The following NCAM2 variants were observed in gnomAD, a reference collection of about 807,000 sequenced individuals.
NCAM2 encodes N-CAM-2.
NCAM2 carries 30 observed loss-of-function variants against 98.1 expected under a neutral mutation model. The ratio of observed to expected loss-of-function variants is 0.31; its 90% CI spans 0.23 to 0.41. The LOEUF is 0.41. Among genes scored for constraint, NCAM2 ranks in the 10% least tolerant of loss-of-function variants. The pLI is 1.00. For synonymous variants in NCAM2, 368 were observed against 342.4 expected (o/e 1.07, Z -0.83); for missense variants, 867 against 1,005.8 (o/e 0.86, Z 1.87).
chr21:21,427,125 A>C (rs2077230465), intron 11 of NCAM2, among the ~76,000 whole-genome samples: 1 of 152,204 alleles, frequency 6.6e-6, no homozygotes, highest in African/African-American at 2.4e-5. Flanking sequence ...AATTCTCAGA[A>C]ATAAAGATGT....
chr21:21,513,976 C>G lies in NCAM2; in HGVS notation c.2282+4921C>G, dbSNP rs184011737. On this transcript the variant is annotated intron_variant, in intron 16 of 17. Transcript: ENST00000400546. ...TTCATCTATTTTTACAGTCCTTATT[C>G]AAGCATTTTAGTCATTTTCTATTAG... Among the ~76,000 whole-genome samples the G allele has an allele frequency of 1.2e-3, 178 of 151,994 alleles. 4 individuals are homozygous for G. The East Asian group carries it at 0.03, about 25-fold the overall frequency.
chr21:21,384,568 A>G (rs1358616018), intron 9 of NCAM2, among the ~76,000 whole-genome samples: 1 of 151,954 alleles, frequency 6.6e-6, no homozygotes, highest in Non-Finnish European at 1.5e-5. Context: ...TACATATAAG[A>G]ATAAATTTTT....
chr21:21,411,011 A>T (rs1187849348), intron 10 of NCAM2, among the ~76,000 whole-genome samples: 2 of 75,014 alleles, frequency 2.7e-5, no homozygotes, highest in African/African-American at 1.0e-4. Context: ...GTCTTAAAAA[A>T]AAAAATATAT....
chr21:21,082,815 A>G (rs998641502), intron 1 of NCAM2, among the ~76,000 whole-genome samples: 4 of 152,052 alleles, frequency 2.6e-5, no homozygotes, highest in African/African-American at 9.7e-5. Flanking sequence ...CAAATTCACC[A>G]TCTCTCTTAG....
chr21:21,048,092 A>G (rs931241472), intron 1 of NCAM2, among the ~76,000 whole-genome samples: 2 of 152,132 alleles, frequency 1.3e-5, no homozygotes, highest in African/African-American at 4.8e-5. Context: ...AATCCAGGAG[A>G]TAAATCAACT....
chr21:21,268,111 T>A, intron 1 of NCAM2, among the ~76,000 whole-genome samples: 1 of 152,158 alleles, frequency 6.6e-6, no homozygotes, highest in East Asian at 1.9e-4. Context: ...GAATATGTGG[T>A]TTGCACGCAT....
intron 1 of NCAM2, among the ~76,000 whole-genome samples, chr21:21,193,654 C>A (rs1220148527): frequency 6.6e-6 from 1 of 151,950 alleles, no homozygotes; most frequent in Admixed American, 6.6e-5. Context: ...TGTCACCATG[C>A]TTGGCTAATT....
At chr21:21,511,613 A>C (rs1471594379) in intron 16 of NCAM2, among the ~76,000 whole-genome samples, 1 of 151,954 alleles carries the variant, frequency 6.6e-6, no homozygotes, top group African/African-American at 2.4e-5. Flanking sequence ...TACCAAGCAG[A>C]GGAATCACTG....
At chr21:21,035,352 G>A (rs779165718) in intron 1 of NCAM2, among the ~76,000 whole-genome samples, 32 of 152,082 alleles carry the variant, frequency 2.1e-4, no homozygotes, top group Non-Finnish European at 4.4e-4. Context: ...AATACTCATG[G>A]ATAGTTATTG....
chr21:21,061,540 G>A (rs2065321738), intron 1 of NCAM2, among the ~76,000 whole-genome samples: 1 of 152,024 alleles, frequency 6.6e-6, no homozygotes, highest in African/African-American at 2.4e-5. Flanking sequence ...AACCTGATTG[G>A]AAATATTTAA....
intron 5 of NCAM2, among the ~76,000 whole-genome samples, chr21:21,320,013 C>T (rs1316964857): frequency 2.6e-5 from 4 of 152,126 alleles, no homozygotes; most frequent in Non-Finnish European, 5.9e-5. Context: ...ATTTGATCCT[C>T]ACGCTTCTAC....
intron 10 of NCAM2, among the ~76,000 whole-genome samples, chr21:21,416,273 A>T (rs1328421798): frequency 6.6e-6 from 1 of 152,200 alleles, no homozygotes; most frequent in African/African-American, 2.4e-5. Context: ...AATTAAGTTC[A>T]CTGTCTTAGG....
intron 1 of NCAM2, among the ~76,000 whole-genome samples, chr21:21,025,287 G>A (rs1465682788): frequency 4.6e-5 from 7 of 151,964 alleles, no homozygotes; most frequent in Admixed American, 1.3e-4. Flanking sequence ...GGGTTTCACC[G>A]TGTTAGCCAG....
chr21:21,347,347 C>T (rs2075218551), intron 8 of NCAM2, among the ~76,000 whole-genome samples: 1 of 151,858 alleles, frequency 6.6e-6, no homozygotes, highest in African/African-American at 2.4e-5. Context: ...CCAAAAGACT[C>T]AGAATAGCCA....
At chr21:21,213,329 C>G (rs1354476625) in intron 1 of NCAM2, among the ~76,000 whole-genome samples, 2 of 151,976 alleles carry the variant, frequency 1.3e-5, no homozygotes, top group Non-Finnish European at 1.5e-5. Flanking sequence ...AAAGGTTAAG[C>G]TAGAGTTTAA....
At chr21:21,136,108 T>C (rs545216224) in intron 1 of NCAM2, among the ~76,000 whole-genome samples, 2 of 152,324 alleles carry the variant, frequency 1.3e-5, no homozygotes, top group South Asian at 4.1e-4. Context: ...CCTTTCTCTT[T>C]CTTTACATCT....
chr21:21,232,269 A>G (rs2070659757), intron 1 of NCAM2, among the ~76,000 whole-genome samples: 2 of 151,568 alleles, frequency 1.3e-5, no homozygotes, highest in South Asian at 4.1e-4. Context: ...AATGTACATA[A>G]TTTTTGAACA....
intron 1 of NCAM2, among the ~76,000 whole-genome samples, chr21:21,253,650 A>G (rs2071554761): frequency 6.6e-6 from 1 of 152,234 alleles, no homozygotes; most frequent in Non-Finnish European, 1.5e-5. Flanking sequence ...TATAAGCAAC[A>G]TAATTTTTGG....
intron 1 of NCAM2, among the ~76,000 whole-genome samples, chr21:21,017,686 T>C (rs924426015): frequency 1.3e-5 from 2 of 152,122 alleles, no homozygotes; most frequent in African/African-American, 4.8e-5. Context: ...TTTGAAGCAC[T>C]TGGTGTATGA....
Sources: allele counts gnomAD v4.1 joint callset (sites outside exome capture counted in the v4.1 genomes callset), GRCh38; gene constraint gnomAD v4.1.1; transcripts MANE v1.5; gene names NCBI Gene and HGNC (gene_info 2026-07-23, HGNC 2026-07-21).